Variants in DMD observed in about 807,000 individuals in gnomAD.
DMD encodes dystrophin.
DMD carries 63 observed loss-of-function variants against 330.1 expected under a neutral mutation model. The observed-to-expected ratio is 0.19, with a 90% CI of 0.16 to 0.24. The LOEUF (loss-of-function observed/expected upper bound fraction) is 0.24, where lower values mean the gene tolerates loss of function less well. Among genes scored for constraint, DMD ranks in the 10% least tolerant of loss-of-function variants. The pLI is 1.00. For synonymous variants in DMD, 1,223 were observed against 959.8 expected (o/e 1.27, Z -5.07); for missense variants, 3,344 against 2,684.1 (o/e 1.25, Z -5.43).
chrX:31,494,387 T>G (rs1375287042), intron 57 of DMD, among the ~76,000 whole-genome samples: 1 of 111,420 alleles, frequency 9.0e-6, no homozygotes, highest in Non-Finnish European at 1.9e-5. Context: ...TTATTAAAAT[T>G]TAGATGATTG....
chrX:33,272,918 A>G (rs2053182591), intron 1 of DMD, among the ~76,000 whole-genome samples: 1 of 112,057 alleles, frequency 8.9e-6, no homozygotes, highest in Non-Finnish European at 1.9e-5. Context: ...TAATTTAAAA[A>G]AAAACAGTGG....
At position 31,521,273 on chromosome X, in the gene DMD, C is replaced by A. The variant is rs780557702; in HGVS notation, c.8218-13820G>T. 5.5e-5 allele frequency among the ~76,000 whole-genome samples: 6 copies of A among 109,895 alleles called. No individual in the cohort carries two copies. In the East Asian group the frequency reaches 1.1e-3, roughly 21 times the overall value. ...CCCCTCCTGGGTTCAAGCGATTCTC[C>A]TGCCTCAGCCTCCTGAGTAGCTGGG... On this transcript the variant is annotated intron_variant, in intron 55 of 78. Coordinates refer to ENST00000357033, the MANE Select transcript of DMD (RefSeq NM_004006.3).
At chrX:32,705,682 C>T (rs910176685) in intron 7 of DMD, among the ~76,000 whole-genome samples, 6 of 111,744 alleles carry the variant, frequency 5.4e-5, no homozygotes, top group East Asian at 5.7e-4. Context: ...ACATCCTCTC[C>T]GGCACCTGTT....
chrX:32,196,965 T>C (rs1189760991), intron 44 of DMD, among the ~76,000 whole-genome samples: 9 of 74,449 alleles, frequency 1.2e-4, no homozygotes, highest in Admixed American at 6.4e-4. Flanking sequence ...CAGCCTGGGG[T>C]GACAGAGCGA....
At chrX:32,823,610 AT>A (rs2078457854) in intron 4 of DMD, among the ~76,000 whole-genome samples, 2 of 111,963 alleles carry the variant, frequency 1.8e-5, no homozygotes, top group African/African-American at 6.5e-5. Flanking sequence ...ACATGAATAG[AT>A]TACTGCAGAT....
intron 17 of DMD, among the ~76,000 whole-genome samples, chrX:32,524,321 CCTT>C (rs2046747319): frequency 8.9e-6 from 1 of 111,912 alleles, no homozygotes; most frequent in African/African-American, 3.3e-5. Flanking sequence ...TCAAATGTCT[CCTT>C]TTTTTCCCCT....
chrX:31,360,442 G>A (rs1296948864), intron 60 of DMD, among the ~76,000 whole-genome samples: 11 of 111,625 alleles, frequency 9.9e-5, no homozygotes, highest in African/African-American at 3.3e-4. Context: ...AAATGTGATC[G>A]CAGTTTTTGC....
intron 1 of DMD, among the ~76,000 whole-genome samples, chrX:33,241,267 G>C (rs1027109251): frequency 8.9e-6 from 1 of 111,918 alleles, no homozygotes; most frequent in South Asian, 3.7e-4. Context: ...AATTTTTTCT[G>C]CATGTGGATA....
chrX:31,374,825 A>G (rs992949022), intron 60 of DMD, among the ~76,000 whole-genome samples: 7 of 110,453 alleles, frequency 6.3e-5, no homozygotes, highest in African/African-American at 2.3e-4. Context: ...AGTATAATAA[A>G]ATAAATAAAT....
At chrX:32,207,176 C>T (rs768381026) in intron 44 of DMD, among the ~76,000 whole-genome samples, 1 of 111,380 alleles carries the variant, frequency 9.0e-6, no homozygotes, top group East Asian at 2.8e-4. Flanking sequence ...TTTTTCCCTC[C>T]AAAACTGATG....
intron 1 of DMD, among the ~76,000 whole-genome samples, chrX:33,099,835 G>GT (rs1003074444): frequency 3.6e-5 from 4 of 111,063 alleles, no homozygotes; most frequent in Non-Finnish European, 7.5e-5. Flanking sequence ...ATTCTTTACT[G>GT]TTTTTTACAG....
chrX:32,894,445 G>T lies in DMD; in HGVS notation c.94-44625C>A, dbSNP rs192043319. Among the ~76,000 whole-genome samples, 62 of 112,895 alleles carry T rather than the reference G, an allele frequency of 5.5e-4. 1 individual carries two copies. The highest frequency in any genetic ancestry group is 3.6e-3 in the South Asian group (10 of 2,753). ...GATAGCCTCGCAGCACAGTGGTAGT[G>T]ATGGCGGCGGTGGGATGAGCGGGCA... On this transcript the variant is annotated intron_variant, in intron 2 of 78. Coordinates refer to ENST00000357033, the MANE Select transcript of DMD (RefSeq NM_004006.3).
intron 43 of DMD, among the ~76,000 whole-genome samples, chrX:32,280,146 A>ATATATATATATATACAG (rs1474045760): frequency 3.4e-5 from 1 of 29,525 alleles, no homozygotes; most frequent in Non-Finnish European, 6.1e-5. Flanking sequence ...TATATACAGT[A>ATATATATATATATACAG]TATATATATA....
Position 33,066,577 on chromosome X carries a change from G to A in DMD, c.32-46377C>T, listed in dbSNP as rs138063966. 8.1e-3 allele frequency among the ~76,000 whole-genome samples: 895 copies of A among 109,926 alleles called. 5 individuals carry two copies. Among genetic ancestry groups the A allele is most frequent in the African/African-American group, 0.029 (866 of 30,215 alleles). On this transcript the variant is annotated intron_variant, in intron 1 of 78. Coordinates refer to ENST00000357033, the MANE Select transcript of DMD (RefSeq NM_004006.3). ...GCCCCCAACGGTACCAGCAATGTGG[G>A]GTAGGTAGGACTCAGCTCCTAGATC...
chrX:31,849,141 T>C (rs1366344422), intron 48 of DMD, among the ~76,000 whole-genome samples: 1 of 110,315 alleles, frequency 9.1e-6, no homozygotes, highest in Non-Finnish European at 1.9e-5. Flanking sequence ...TATATGATTA[T>C]ATATATATTA....
chrX:31,369,539 C>A (rs936702814), intron 60 of DMD, among the ~76,000 whole-genome samples: 3 of 111,471 alleles, frequency 2.7e-5, no homozygotes, highest in Non-Finnish European at 5.6e-5. Context: ...TTGACTTGGG[C>A]AATTGGGTGA....
intron 63 of DMD, among the ~76,000 whole-genome samples, chrX:31,243,012 G>A (rs182372196): frequency 9.0e-6 from 1 of 111,567 alleles, no homozygotes; most frequent in East Asian, 2.8e-4. Flanking sequence ...TGCATGACCA[G>A]AGTCACGCCA....
chrX:33,285,508 C>T, intron 1 of DMD, among the ~76,000 whole-genome samples: 1 of 111,933 alleles, frequency 8.9e-6, no homozygotes, highest in Non-Finnish European at 1.9e-5. Context: ...AGAATTCTTT[C>T]TGTCAAAATA....
At chrX:33,013,552 C>A (rs1602708355) in intron 2 of DMD, among the ~76,000 whole-genome samples, 1 of 111,732 alleles carries the variant, frequency 8.9e-6, no homozygotes, top group South Asian at 3.7e-4. Flanking sequence ...GGCACAGGAG[C>A]CATTTTAGAT....
Sources: gnomAD v4.1 joint callset for allele counts (sites outside exome capture counted in the v4.1 genomes callset) on GRCh38, gnomAD v4.1.1 for gene constraint, MANE v1.5 for transcripts, NCBI Gene and HGNC (gene_info 2026-07-23, HGNC 2026-07-21) for gene names.